The following RSRC2 variants were observed in gnomAD, a reference collection of about 807,000 sequenced individuals.
RSRC2 encodes arginine/serine-rich coiled-coil protein 2.
RSRC2 carries 5 observed loss-of-function variants against 61.3 expected under a neutral mutation model. That is an observed-to-expected ratio of 0.08 (90% CI 0.04 to 0.17). The LOEUF (loss-of-function observed/expected upper bound fraction) is 0.17, where lower values mean the gene tolerates loss of function less well. Ranked by LOEUF, RSRC2 falls within the 10% of genes least tolerant of loss-of-function variation. RSRC2 has a pLI of 1.00. For synonymous variants in RSRC2, 202 were observed against 166.5 expected, an observed-to-expected ratio of 1.21 and a Z score of -1.64; for missense variants, 381 against 518.8, an observed-to-expected ratio of 0.73 and a Z score of 2.58.
rs1169838098 is a variant in RSRC2 at position 122,525,801 on chromosome 12, GTTTTTTTTTTTTTTTTTTT to G, written c.6+1028_6+1046del. On this transcript the variant is annotated intron_variant, in intron 1 of 9. Coordinates refer to ENST00000331738, the MANE Select transcript of RSRC2 (RefSeq NM_023012.6). Reference sequence around the variant, plus strand: ...GTAGCTCCTCTGGGGTCAACGAAGAGTTTTTTTTTTTTTTTTTTTTTTTTTTTTTTTTTTTTTTGAGACG... The same window carrying G: ...GTAGCTCCTCTGGGGTCAACGAAGAGTTTTTTTTTTTTTTTTTTTGAGACG... Among the ~76,000 whole-genome samples the G allele has an allele frequency of 8.4e-4, 18 of 21,498 alleles. 4 individuals are homozygous for G. The highest frequency in any genetic ancestry group is 0.021 in the Middle Eastern group (1 of 48). The allele number at this position is 21,498 out of a possible 152,430, so 14.1% of individuals were successfully genotyped here. A position where few individuals can be genotyped will look rare whatever the true frequency, so the allele number is the denominator to read the frequency against.
At chr12:122,523,686 G>A (rs1959596272) in intron 1 of RSRC2, 1 of 152,174 alleles carries the variant, frequency 6.6e-6, no homozygotes, top group African/African-American at 2.4e-5. Context: ...AGTTAGTCCA[G>A]AAAATGAATA....
intron 5 of RSRC2, among the ~76,000 whole-genome samples, chr12:122,515,473 T>C (rs759526849): frequency 2.6e-5 from 4 of 152,176 alleles, no homozygotes; most frequent in African/African-American, 9.7e-5. Context: ...GTGATCCTCC[T>C]GCCTTAGCCT....
intron 7 of RSRC2, 31 bp downstream of exon 7, chr12:122,511,077 CG>C: frequency 8.0e-6 from 12 of 1,498,432 alleles, no homozygotes; most frequent in Non-Finnish European, 1.0e-5. Flanking sequence ...GAGCTCAAAT[CG>C]AGATGACTAA....
intron 3 of RSRC2, chr12:122,520,752 T>C: frequency 2.7e-6 from 1 of 367,694 alleles, no homozygotes; most frequent in South Asian, 2.1e-5. Context: ...AAGACTCTTC[T>C]CCCTTTCTGG....
Position 122,518,903 on chromosome 12 carries a change from G to A in RSRC2, c.334C>T (p.His112Tyr), listed in dbSNP as rs759079196. The change falls in exon 4 of 10, where the codon CAC becomes TAC. Residue 112 changes from histidine to tyrosine, a missense_variant. His to Tyr is a moderately conservative substitution (Grantham distance 83, BLOSUM62 2). Coordinates refer to ENST00000331738, the MANE Select transcript of RSRC2 (RefSeq NM_023012.6). ...GATGACTTTCTTTCTTTGCGTTTGT[G>A]CCTGTCCTCACCATTTTCAGATGAA... is the stretch of plus-strand genomic sequence containing the variant. ...LNSSENGEDR[H>Y]KRKERKSSRG... The A allele has an allele frequency of 4.3e-6, 7 of 1,613,946 alleles. No homozygotes were observed. The South Asian group carries it at 7.7e-5, about 18-fold the overall frequency.
At chr12:122,509,570 G>A (rs765679338) in intron 7 of RSRC2, among the ~76,000 whole-genome samples, 6 of 151,806 alleles carry the variant, frequency 4.0e-5, no homozygotes. Context: ...GCAGTCCTCT[G>A]TAAAAAAAGA....
intron 6 of RSRC2, chr12:122,514,600 T>C: frequency 1.0e-6 from 1 of 997,874 alleles, no homozygotes; most frequent in South Asian, 3.3e-5. Flanking sequence ...AAAAAAAAAG[T>C]TCTCCCATAG....
In RSRC2 at chr12:122,504,092, A is replaced by G. The variant is rs766939883; in HGVS notation, c.*1435T>C. The G allele has an allele frequency of 1.3e-5, 2 of 152,102 alleles. No homozygotes were observed. Among genetic ancestry groups the G allele is most frequent in the African/African-American group, 4.8e-5 (2 of 41,382 alleles). 9.4% of individuals were successfully genotyped at this position (152,102 alleles called of 1,614,324 possible). ...ACACCCCATTACTTCATTTTCATGT[A>G]TAAAAAAAATACCTAATGAGCAAGT... On this transcript the variant is annotated 3_prime_UTR_variant, in exon 10 of 10. Transcript: ENST00000331738.
chr12:122,513,239 AT>A (rs1348593985), intron 6 of RSRC2, among the ~76,000 whole-genome samples: 59 of 53,482 alleles, frequency 1.1e-3, no homozygotes, highest in African/African-American at 2.6e-3. Flanking sequence ...AAATAAATAA[AT>A]AAATAAAATA....
Position 122,505,251 on chromosome 12 carries a change from C to T in RSRC2, c.*276G>A. 3.5e-6 allele frequency: 1 copy of T among 289,114 alleles called. No homozygotes were observed. The highest frequency in any genetic ancestry group is 6.0e-5 in the East Asian group (1 of 16,652). The allele number at this position is 289,114 out of a possible 1,614,324, so 17.9% of individuals were successfully genotyped here. A position where few individuals can be genotyped will look rare whatever the true frequency, so the allele number is the denominator to read the frequency against. ...AAAAATCCATGTATGAGATTTTATCCCCACCTGCAGCTTTTATATATTTGA... is the reference window on the plus strand; with the variant it reads ...AAAAATCCATGTATGAGATTTTATCTCCACCTGCAGCTTTTATATATTTGA... On this transcript the variant is annotated 3_prime_UTR_variant, in exon 10 of 10. Coordinates refer to ENST00000331738, the MANE Select transcript of RSRC2 (RefSeq NM_023012.6).
chr12:122,519,200 A>G (rs113167269), intron 3 of RSRC2, 171 bp from the exon 4 acceptor site: 189 of 557,864 alleles, frequency 3.4e-4, no homozygotes, highest in African/African-American at 3.0e-3. Context: ...TGTAATTACT[A>G]TTTTTTTTAC....
Position 122,514,250 on chromosome 12 carries a change from TTG to T in RSRC2, c.725+853_725+854del, listed in dbSNP as rs949028606. On this transcript the variant is annotated intron_variant, in intron 6 of 9. Coordinates refer to ENST00000331738, the MANE Select transcript of RSRC2 (RefSeq NM_023012.6). Reference sequence around the variant, plus strand: ...CTTTGAAACAGCAGAAAATTTATTTTTGTGTGTGTGTGTGTGTGTGTTTTTTT... The same window carrying T: ...CTTTGAAACAGCAGAAAATTTATTTTTGTGTGTGTGTGTGTGTGTTTTTTT... Among the ~76,000 whole-genome samples the T allele has an allele frequency of 9.2e-4, 132 of 143,950 alleles. 1 individual carries two copies. Among genetic ancestry groups the T allele is most frequent in the African/African-American group, 3.2e-3 (123 of 38,876 alleles). 94.4% of individuals were successfully genotyped at this position (143,950 alleles called of 152,430 possible). A position where few individuals can be genotyped will look rare whatever the true frequency, so the allele number is the denominator to read the frequency against.
intron 4 of RSRC2, among the ~76,000 whole-genome samples, chr12:122,518,198 G>C (rs1959075221): frequency 6.6e-6 from 1 of 152,098 alleles, no homozygotes; most frequent in African/African-American, 2.4e-5. Context: ...TGCTTGGGAG[G>C]CTTGAGGTCA....
rs56245303 is a variant in RSRC2 at position 122,503,899 on chromosome 12, G to C, written c.*1628C>G. 0.031 allele frequency: 4,738 copies of C among 151,964 alleles called. 253 individuals are homozygous for C. Among genetic ancestry groups the C allele is most frequent in the African/African-American group, 0.11 (4,485 of 41,392 alleles). 9.4% of individuals were successfully genotyped at this position (151,964 alleles called of 1,614,324 possible). A position where few individuals can be genotyped will look rare whatever the true frequency, so the allele number is the denominator to read the frequency against. ...GGAATTCAAGACCAACCTGGGCAAC[G>C]TAACAAGACCTTGTCTTTATAAAAA... On this transcript the variant is annotated 3_prime_UTR_variant, in exon 10 of 10. Transcript: ENST00000331738.
At chr12:122,521,485 T>C (rs767628833) in intron 2 of RSRC2, 57 bp from the exon 3 acceptor site, 19 of 1,465,814 alleles carry the variant, frequency 1.3e-5, no homozygotes, top group Non-Finnish European at 1.7e-5. Context: ...ACATTTCATC[T>C]TAAAAAACTC....
intron 5 of RSRC2, among the ~76,000 whole-genome samples, chr12:122,515,931 G>A (rs1241245009): frequency 6.6e-6 from 1 of 152,174 alleles, no homozygotes; most frequent in African/African-American, 2.4e-5. Context: ...AGAGGTTGCA[G>A]TGAGCCAAGA....
At chr12:122,514,151 A>C (rs188124426) in intron 6 of RSRC2, among the ~76,000 whole-genome samples, 22 of 152,122 alleles carry the variant, frequency 1.4e-4, no homozygotes, top group African/African-American at 3.9e-4. Flanking sequence ...TTGCCTCTCT[A>C]TGAGGCAGTT....
intron 1 of RSRC2, 81 bp from the exon 2 acceptor site, chr12:122,522,380 G>A: frequency 2.3e-6 from 3 of 1,293,050 alleles, no homozygotes; most frequent in South Asian, 1.6e-5. Flanking sequence ...GACAAAGGGA[G>A]GGAAGATAGC....
In RSRC2 at chr12:122,505,473, G is replaced by A. The variant is rs1327693397; in HGVS notation, c.*54C>T. 1.5e-5 allele frequency: 23 copies of A among 1,521,116 alleles called. No homozygotes were observed. The highest frequency in any genetic ancestry group is 2.0e-5 in the Non-Finnish European group (22 of 1,107,610). The allele number at this position is 1,521,116 out of a possible 1,614,324, so 94.2% of individuals were successfully genotyped here. A position where few individuals can be genotyped will look rare whatever the true frequency, so the allele number is the denominator to read the frequency against. On this transcript the variant is annotated 3_prime_UTR_variant, in exon 10 of 10. Transcript: ENST00000331738. ...TGCTAGCTGTTTGGTGAACAAGGAC[G>A]TGACATCAGAACAAGAAGTCTATAA...
Sources: gnomAD v4.1 joint callset for allele counts (sites outside exome capture counted in the v4.1 genomes callset) on GRCh38, gnomAD v4.1.1 for gene constraint, MANE v1.5 for transcripts, NCBI Gene and HGNC (gene_info 2026-07-23, HGNC 2026-07-21) for gene names.